The following CNTN5 variants were observed in gnomAD, a reference collection of about 807,000 sequenced individuals.
CNTN5 encodes the protein contactin-5.
Under a neutral mutation model 129.1 loss-of-function variants are expected in CNTN5, and 77 were observed. The observed-to-expected ratio is 0.60, with a 90% confidence interval of 0.50 to 0.72. The LOEUF is 0.72. Ranked by LOEUF, CNTN5 falls within the 30% of genes least tolerant of loss-of-function variation. The pLI, the probability that CNTN5 is intolerant of heterozygous loss-of-function variation, is 0.00. For synonymous variants in CNTN5, 509 were observed against 465.6 expected (o/e 1.09, Z -1.20); for missense variants, 1,478 against 1,328.8 (o/e 1.11, Z -1.75).
intron 2 of CNTN5, among the ~76,000 whole-genome samples, chr11:99,406,219 G>C (rs1450783077): frequency 6.6e-6 from 1 of 151,878 alleles, no homozygotes; most frequent in Non-Finnish European, 1.5e-5. Context: ...TATTCAAAAA[G>C]GCTTGGGAAT....
At chr11:99,648,556 CCTA>C (rs1345907438) in intron 3 of CNTN5, among the ~76,000 whole-genome samples, 1 of 151,796 alleles carries the variant, frequency 6.6e-6, no homozygotes, top group African/African-American at 2.4e-5. Flanking sequence ...ATTCATTAAT[CCTA>C]CTACTGGATA....
At chr11:99,740,124 T>A (rs898557054) in intron 3 of CNTN5, among the ~76,000 whole-genome samples, 1 of 152,326 alleles carries the variant, frequency 6.6e-6, no homozygotes, top group East Asian at 1.9e-4. Flanking sequence ...ATTTCAATTT[T>A]AAAGCAAAAG....
chr11:99,355,806 T>C (rs989081046), intron 2 of CNTN5, among the ~76,000 whole-genome samples: 1 of 149,210 alleles, frequency 6.7e-6, no homozygotes, highest in Admixed American at 6.6e-5. Context: ...AATGCATCTG[T>C]CATGGTTTTT....
intron 3 of CNTN5, among the ~76,000 whole-genome samples, chr11:99,686,139 A>G (rs1190834555): frequency 6.6e-6 from 1 of 151,982 alleles, no homozygotes; most frequent in Non-Finnish European, 1.5e-5. Flanking sequence ...TTTATTATGT[A>G]TATATCTTTT....
In CNTN5 at chr11:99,698,152, G is replaced by A. The variant is rs539876352; in HGVS notation, c.56-121392G>A. ...TTGTTGTAGTAGCCACCAAAATCTC[G>A]GAGTTTTCCAAAGTATTTTACATTA... On this transcript the variant is annotated intron_variant, in intron 3 of 24. Transcript: ENST00000524871. 1.3e-4 allele frequency among the ~76,000 whole-genome samples: 20 copies of A among 149,920 alleles called. No homozygotes were observed. The South Asian group carries it at 3.8e-3, about 28-fold the overall frequency.
intron 24 of CNTN5, among the ~76,000 whole-genome samples, chr11:100,352,868 A>G (rs538649775): frequency 6.6e-6 from 1 of 151,826 alleles, no homozygotes; most frequent in Non-Finnish European, 1.5e-5. Context: ...ATATACGACA[A>G]CCTTCCTCTT....
At position 100,095,315 on chromosome 11, in the gene CNTN5, G is replaced by GT. The variant is rs1944967452; in HGVS notation, c.1580+21026dup. On this transcript the variant is annotated intron_variant, in intron 13 of 24. Transcript: ENST00000524871. ...TGTTCTCTTTTTATTAAAAATTACT[G>GT]TTTTTGAGGGGAAGAAATTAAAGTA... is the stretch of plus-strand genomic sequence containing the variant. 2.0e-5 allele frequency among the ~76,000 whole-genome samples: 3 copies of GT among 152,046 alleles called. No homozygotes were observed. The South Asian group carries it at 6.2e-4, about 31-fold the overall frequency.
intron 3 of CNTN5, among the ~76,000 whole-genome samples, chr11:99,784,296 C>T (rs1159027917): frequency 6.6e-6 from 1 of 152,042 alleles, no homozygotes; most frequent in African/African-American, 2.4e-5. Flanking sequence ...CTATCCCTCC[C>T]TTAGCCCCCC....
intron 2 of CNTN5, among the ~76,000 whole-genome samples, chr11:99,420,535 A>G (rs1245190362): frequency 6.6e-6 from 1 of 152,212 alleles, no homozygotes; most frequent in Non-Finnish European, 1.5e-5. Flanking sequence ...TACAGCTCAA[A>G]TTCTGGCCAT....
intron 13 of CNTN5, among the ~76,000 whole-genome samples, chr11:100,095,726 C>T (rs1196566166): frequency 1.3e-5 from 2 of 152,070 alleles, no homozygotes; most frequent in African/African-American, 4.8e-5. Context: ...TAGGCAAGAT[C>T]TACATGTAAG....
Position 100,162,192 on chromosome 11 carries a change from A to T in CNTN5, c.1581-28934A>T, listed in dbSNP as rs75541942. Reference sequence around the variant, plus strand: ...GAAAGTACCAACGCAGAAGGTTGTCATGAGCATTAAATGAACTAACCGCGA... The same window carrying T: ...GAAAGTACCAACGCAGAAGGTTGTCTTGAGCATTAAATGAACTAACCGCGA... On this transcript the variant is annotated intron_variant, in intron 13 of 24. Coordinates refer to ENST00000524871, the MANE Select transcript of CNTN5 (RefSeq NM_014361.4). Among the ~76,000 whole-genome samples, 1,029 of 151,974 alleles carry T rather than the reference A, an allele frequency of 6.8e-3. 15 individuals carry two copies. Among genetic ancestry groups the T allele is most frequent in the African/African-American group, 0.023 (958 of 41,520 alleles).
intron 3 of CNTN5, among the ~76,000 whole-genome samples, chr11:99,631,949 TTTA>T (rs1369907585): frequency 7.9e-5 from 12 of 152,232 alleles, no homozygotes; most frequent in African/African-American, 2.6e-4. Flanking sequence ...TTGTTCTAGT[TTTA>T]TTGTCAGTTA....
intron 13 of CNTN5, among the ~76,000 whole-genome samples, chr11:100,156,260 CAT>C (rs1160729070): frequency 6.6e-6 from 1 of 152,058 alleles, no homozygotes; most frequent in Non-Finnish European, 1.5e-5. Flanking sequence ...TTGAGATAAT[CAT>C]GTGGTTTTTA....
chr11:99,767,151 C>T (rs1360908449), intron 3 of CNTN5, among the ~76,000 whole-genome samples: 2 of 152,048 alleles, frequency 1.3e-5, no homozygotes, highest in African/African-American at 4.8e-5. Context: ...CTATATCTAT[C>T]ATGTATCTGT....
intron 4 of CNTN5, among the ~76,000 whole-genome samples, chr11:99,843,415 C>T (rs963075547): frequency 6.6e-6 from 1 of 152,012 alleles, no homozygotes; most frequent in Non-Finnish European, 1.5e-5. Flanking sequence ...CAAATTTGTT[C>T]TTCTAAATAT....
intron 2 of CNTN5, among the ~76,000 whole-genome samples, chr11:99,367,060 C>A (rs1275570186): frequency 6.6e-6 from 1 of 151,980 alleles, no homozygotes; most frequent in African/African-American, 2.4e-5. Flanking sequence ...TGGTATTATG[C>A]CTCTAAAGGT....
chr11:99,775,079 C>A (rs1424769362), intron 3 of CNTN5, among the ~76,000 whole-genome samples: 1 of 152,012 alleles, frequency 6.6e-6, no homozygotes, highest in African/African-American at 2.4e-5. Context: ...TCTGCAGATG[C>A]TCTATAGCTA....
intron 18 of CNTN5, among the ~76,000 whole-genome samples, chr11:100,273,720 C>T (rs1328564875): frequency 6.6e-6 from 1 of 152,070 alleles, no homozygotes; most frequent in Admixed American, 6.5e-5. Context: ...GGTGAATGTC[C>T]CCAGGGAGAC....
chr11:99,186,819 T>C (rs542055770), intron 1 of CNTN5, among the ~76,000 whole-genome samples: 4 of 151,954 alleles, frequency 2.6e-5, no homozygotes, highest in Non-Finnish European at 5.9e-5. Context: ...AGGGGATGGC[T>C]GAAAGGAGAA....
Sources: allele counts gnomAD v4.1 joint callset (sites outside exome capture counted in the v4.1 genomes callset), GRCh38; gene constraint gnomAD v4.1.1; transcripts MANE v1.5; gene names NCBI Gene and HGNC (gene_info 2026-07-23, HGNC 2026-07-21).